MPPE1: variants seen among roughly 807,000 people sequenced by gnomAD.
MPPE1 encodes metallo phosphoesterase.
In MPPE1, 28 loss-of-function variants were observed where a neutral mutation model predicts 43.8. That is an observed-to-expected ratio of 0.64 (90% CI 0.47 to 0.88). The LOEUF (loss-of-function observed/expected upper bound fraction) is 0.88, where lower values mean the gene tolerates loss of function less well. Among genes scored for constraint, MPPE1 ranks in the 40% least tolerant of loss-of-function variants. The probability of loss-of-function intolerance (pLI) is 0.00; values close to 1 mark genes in which losing one functional copy is unlikely to be tolerated. For synonymous variants in MPPE1, 159 were observed against 188.5 expected (o/e 0.84, Z 1.28); for missense variants, 428 against 492.2 (o/e 0.87, Z 1.23).
chr18:11,893,475 G>T lies in MPPE1; in HGVS notation c.383C>A (p.Thr128Asn). 1.2e-6 allele frequency: 2 copies of T among 1,611,846 alleles called. No individual in the cohort carries two copies. Among genetic ancestry groups the T allele is most frequent in the Non-Finnish European group, 1.7e-6 (2 of 1,178,732 alleles). ...TGGAACACAGAGTCCTACCTCAGGG[G>T]TGCTCCACTTCCCTTCATCAAAGAT... is the stretch of plus-strand genomic sequence containing the variant. The part of the protein sequence containing the change: ...GDIFDEGKWS[T>N]PEAWADDVER... The change falls in exon 4 of 11, where the codon ACC (threonine) becomes AAC (asparagine). Residue 128 changes from threonine (T) to asparagine (N), a missense_variant. Thr to Asn is a moderately conservative substitution (Grantham distance 65). Transcript: ENST00000588072.
intron 4 of MPPE1, chr18:11,891,534 A>C (rs1053141365): frequency 2.0e-5 from 3 of 152,178 alleles, no homozygotes; most frequent in African/African-American, 7.2e-5. Context: ...ACATAGAAAA[A>C]CATAAAATGT....
At position 11,883,184 on chromosome 18, in the gene MPPE1, G is replaced by A. The variant is rs2143973889; in HGVS notation, c.*1261C>T. ...GAAAGGATAACTTTATAGACAGTCA[G>A]TGCAACACACACATTTTATCTCATC... is the stretch of plus-strand genomic sequence containing the variant. On this transcript the variant is annotated 3_prime_UTR_variant, in exon 11 of 11. Transcript: ENST00000588072. 6.6e-6 allele frequency: 1 copy of A among 151,668 alleles called. No individual in the cohort carries two copies. Among genetic ancestry groups the A allele is most frequent in the Admixed American group, 6.6e-5 (1 of 15,254 alleles). The allele number at this position is 151,668 out of a possible 1,614,324, so 9.4% of individuals were successfully genotyped here.
Position 11,883,701 on chromosome 18 carries a change from T to TA in MPPE1, c.*743dup, listed in dbSNP as rs1555618744. 2.2e-4 allele frequency: 33 copies of TA among 152,360 alleles called. No individual in the cohort carries two copies. Among genetic ancestry groups the TA allele is most frequent in the Non-Finnish European group, 2.1e-4 (14 of 68,002 alleles). 9.4% of individuals were successfully genotyped at this position (152,360 alleles called of 1,614,324 possible). ...CATCACATCTGTACTTTTTTTTTTT[T>TA]AAATATATTTTTTGAGACGGAGTCT... is the stretch of plus-strand genomic sequence containing the variant. On this transcript the variant is annotated 3_prime_UTR_variant, in exon 11 of 11. Transcript: ENST00000588072.
chr18:11,893,437 G>C (rs1188794036), intron 4 of MPPE1, 31 bp downstream of exon 4: 1 of 1,497,914 alleles, frequency 6.7e-7, no homozygotes, highest in East Asian at 2.3e-5. Flanking sequence ...CCTCACAGCA[G>C]GATGAGGGCA....
chr18:11,887,454 A>C (rs2037460744), intron 6 of MPPE1, among the ~76,000 whole-genome samples: 1 of 152,200 alleles, frequency 6.6e-6, no homozygotes, highest in East Asian at 1.9e-4. Context: ...GAAAGTACTC[A>C]GTACGTGTCA....
chr18:11,886,351 A>C lies in MPPE1; in HGVS notation c.867+148T>G, dbSNP rs2037241636. The C allele has an allele frequency of 9.3e-7, 1 of 1,079,384 alleles. No individual in the cohort carries two copies. The highest frequency in any genetic ancestry group is 2.4e-5 in the East Asian group (1 of 41,796). 66.9% of individuals were successfully genotyped at this position (1,079,384 alleles called of 1,614,324 possible). A position where few individuals can be genotyped will look rare whatever the true frequency, so the allele number is the denominator to read the frequency against. On this transcript the variant is annotated intron_variant, in intron 9 of 10. Coordinates refer to ENST00000588072, the MANE Select transcript of MPPE1 (RefSeq NM_023075.6). This position sits in a 1 kb window ranked among gnomAD's most constrained non-coding sequence, Gnocchi z 4.1. ...GAAAATCTGAGATACTGTGAAAGCC[A>C]GGCCTCCACCCCTGTCCCCCCAGGT... is the stretch of plus-strand genomic sequence containing the variant.
At chr18:11,893,244 T>C (rs2038202800) in intron 4 of MPPE1, 5 of 506,474 alleles carry the variant, frequency 9.9e-6, no homozygotes, top group Non-Finnish European at 1.4e-5. Flanking sequence ...CATAGACAAA[T>C]GTTTACAATT....
chr18:11,899,303 CA>C (rs2038907045), intron 2 of MPPE1, among the ~76,000 whole-genome samples: 1 of 152,160 alleles, frequency 6.6e-6, no homozygotes, highest in South Asian at 2.1e-4. Flanking sequence ...TGGGTGATTG[CA>C]ACAGAGCCAC....
intron 2 of MPPE1, chr18:11,902,721 C>A (rs998812345): frequency 3.3e-5 from 5 of 152,190 alleles, no homozygotes; most frequent in Non-Finnish European, 7.3e-5. Flanking sequence ...TCAGAGTGAG[C>A]CTTGTTTGAG....
rs562329823 is a variant in MPPE1, at chr18:11,903,799, C to A, written c.-93+2404G>T. On this transcript the variant is annotated intron_variant, in intron 2 of 10. Transcript: ENST00000588072. ...CCAGCCTGGGGGACAGAGCGAGACTCCGTCTCAAAAAAACAAAAAAACAAA... is the reference window on the plus strand; with the variant it reads ...CCAGCCTGGGGGACAGAGCGAGACTACGTCTCAAAAAAACAAAAAAACAAA... Among the ~76,000 whole-genome samples, 9 of 152,184 alleles carry A rather than the reference C, an allele frequency of 5.9e-5. No individual in the cohort carries two copies. In the East Asian group the frequency reaches 1.7e-3, roughly 29 times the overall value.
chr18:11,899,993 C>T (rs8094472), intron 2 of MPPE1, among the ~76,000 whole-genome samples: 39,971 of 151,972 alleles, frequency 0.26, 7,702 homozygotes, highest in African/African-American at 0.54. Flanking sequence ...GGGTGGATCA[C>T]CTGACATCAG....
intron 1 of MPPE1, among the ~76,000 whole-genome samples, chr18:11,906,579 G>A (rs191541421): frequency 8.5e-5 from 13 of 152,120 alleles, no homozygotes; most frequent in Middle Eastern, 3.4e-3. Context: ...TCTTTAGGCT[G>A]GGCGCAGTGG....
At chr18:11,887,747 G>A (rs2037504342) in intron 6 of MPPE1, among the ~76,000 whole-genome samples, 1 of 152,240 alleles carries the variant, frequency 6.6e-6, no homozygotes, top group African/African-American at 2.4e-5. Flanking sequence ...TAGAGATAAG[G>A]AGTGGAGTTA....
At chr18:11,892,355 GAA>G (rs548540889) in intron 4 of MPPE1, among the ~76,000 whole-genome samples, 11 of 93,394 alleles carry the variant, frequency 1.2e-4, no homozygotes, top group Non-Finnish European at 1.4e-4. Flanking sequence ...GCACCAAAAA[GAA>G]AAAAAAAAAA....
intron 3 of MPPE1, among the ~76,000 whole-genome samples, chr18:11,896,285 A>G (rs2038608267): frequency 6.6e-6 from 1 of 151,684 alleles, no homozygotes; most frequent in Non-Finnish European, 1.5e-5. Flanking sequence ...TATTTTTAGT[A>G]GAGATGGAGT....
intron 2 of MPPE1, among the ~76,000 whole-genome samples, chr18:11,898,422 G>A (rs2038816078): frequency 6.6e-6 from 1 of 152,088 alleles, no homozygotes; most frequent in East Asian, 1.9e-4. Context: ...TCTACTCCCT[G>A]TTCTGAGGCT....
chr18:11,899,785 C>G (rs973332185), intron 2 of MPPE1, among the ~76,000 whole-genome samples: 2 of 152,178 alleles, frequency 1.3e-5, no homozygotes, highest in African/African-American at 4.8e-5. Flanking sequence ...AGATGATTTT[C>G]TAACATGAAT....
In MPPE1 at chr18:11,886,594, C is replaced by T; in HGVS notation, c.772G>A (p.Ala258Thr). The change falls in exon 9 of 11, where the codon GCT becomes ACT. Residue 258 changes from alanine to threonine, a missense_variant. Ala to Thr is a moderately conservative substitution (Grantham distance 58, BLOSUM62 0). Transcript: ENST00000588072. The surrounding 1 kb of genome is among the most constrained non-coding windows in gnomAD (Gnocchi z 4.1). ...QHYPLYRRSD[A>T]NCSGEDAAPA... ...GCAGCGTCTTCCCCAGAACAGTTAG[C>T]ATCACTTCTCCGATACAGAGGATAA... 6.2e-7 allele frequency: 1 copy of T among 1,614,206 alleles called. No homozygotes were observed. The highest frequency in any genetic ancestry group is 1.6e-4 in the Middle Eastern group (1 of 6,062).
intron 10 of MPPE1, chr18:11,885,447 G>A: frequency 3.6e-6 from 2 of 552,584 alleles, no homozygotes; most frequent in South Asian, 4.5e-5. Flanking sequence ...AAGTCCACCT[G>A]GACGGTGCCC....
Sources: allele counts gnomAD v4.1 joint callset (sites outside exome capture counted in the v4.1 genomes callset), GRCh38; gene constraint gnomAD v4.1.1; non-coding constraint Gnocchi (gnomAD v3.1); transcripts MANE v1.5; gene names NCBI Gene and HGNC (gene_info 2026-07-23, HGNC 2026-07-21).